Variants in AZGP1 observed in about 807,000 individuals in gnomAD.
AZGP1 encodes alpha-2-glycoprotein 1, zinc-binding.
In AZGP1, 28 loss-of-function variants were observed where a neutral mutation model predicts 31.5. The observed-to-expected ratio is 0.89, with a 90% CI of 0.66 to 1.22. AZGP1 has a LOEUF of 1.22. Ranked by LOEUF, AZGP1 falls within the 50% of genes most tolerant of loss-of-function variation. The pLI, the probability that AZGP1 is intolerant of heterozygous loss-of-function variation, is 0.00. For missense variants in AZGP1, 361 were observed against 371.8 expected, an observed-to-expected ratio of 0.97 and a Z score of 0.24; for synonymous variants, 135 against 145.4, an observed-to-expected ratio of 0.93 and a Z score of 0.51.
chr7:99,968,831 T>C, intron 2 of AZGP1: 1 of 206,166 alleles, frequency 4.9e-6, no homozygotes, highest in Non-Finnish European at 9.6e-6. Context: ...AGCATGGTGG[T>C]GCATGCCTGT....
At chr7:99,967,384 A>T (rs1238509395) in intron 3 of AZGP1, 98 bp from the exon 4 acceptor site, 3 of 1,371,010 alleles carry the variant, frequency 2.2e-6, no homozygotes, top group Non-Finnish European at 3.0e-6. Context: ...CGATCAGCAG[A>T]GCTCGAAGCT....
In AZGP1 at chr7:99,967,212, AGTC is replaced by A. The variant is rs771087962; in HGVS notation, c.685_687del (p.Asp229del). Reference sequence around the variant, plus strand: ...TGCACATCAATTTTCCCTGGGTAGAAGTCGTAGGCCAGGCACTTCAGTTTCTTC... The same window carrying A: ...TGCACATCAATTTTCCCTGGGTAGAAGTAGGCCAGGCACTTCAGTTTCTTC... On this transcript the variant is annotated inframe_deletion, in exon 4 of 4. Transcript: ENST00000292401. The A allele has an allele frequency of 6.2e-7, 1 of 1,613,814 alleles. No homozygotes were observed. Among genetic ancestry groups the A allele is most frequent in the Non-Finnish European group, 8.5e-7 (1 of 1,179,940 alleles).
At chr7:99,968,991 G>A (rs1315694082) in intron 2 of AZGP1, among the ~76,000 whole-genome samples, 453 of 13,054 alleles carry the variant, frequency 0.035, no homozygotes, top group Non-Finnish European at 0.043. Flanking sequence ...AAAAAAAAAA[G>A]CACCAGGCCC....
intron 2 of AZGP1, 171 bp downstream of exon 2, chr7:99,971,575 C>T: frequency 2.6e-6 from 2 of 772,686 alleles, no homozygotes; most frequent in Non-Finnish European, 4.1e-6. Flanking sequence ...AAGCGGGGAG[C>T]ACCTGTGCTG....
At chr7:99,967,856 C>G (rs1436941528) in intron 3 of AZGP1, 1 of 572,318 alleles carries the variant, frequency 1.7e-6, no homozygotes, top group East Asian at 2.9e-5. Context: ...CTCTTACAGA[C>G]AGTGTTACCC....
rs1789554480 is a variant in AZGP1, at chr7:99,970,089, T to C, written c.337+1657A>G. 3.3e-5 allele frequency among the ~76,000 whole-genome samples: 5 copies of C among 149,876 alleles called. No individual in the cohort carries two copies. In the Admixed American group the frequency reaches 3.3e-4, roughly 10 times the overall value. ...GGTGTGTTGCCTGAACTGGAGCCAC[T>C]CAACTCCCTGTGCCTCTATTTCCTC... On this transcript the variant is annotated intron_variant, in intron 2 of 3. Transcript: ENST00000292401.
chr7:99,967,491 G>A, intron 3 of AZGP1: 1 of 609,296 alleles, frequency 1.6e-6, no homozygotes. Flanking sequence ...CCCATGTATT[G>A]ACTCTGACGG....
At chr7:99,973,180 A>G (rs1562799020) in intron 1 of AZGP1, among the ~76,000 whole-genome samples, 1 of 152,182 alleles carries the variant, frequency 6.6e-6, no homozygotes, top group East Asian at 1.9e-4. Flanking sequence ...AAAGGGTAGA[A>G]AGGAGAATTT....
At chr7:99,975,802 G>A in intron 1 of AZGP1, 143 bp downstream of exon 1, 1 of 819,522 alleles carries the variant, frequency 1.2e-6, no homozygotes, top group Non-Finnish European at 2.1e-6. Flanking sequence ...TGTGTGAGCT[G>A]AGGGAGTTGA....
chr7:99,969,360 G>C (rs1789544316), intron 2 of AZGP1, among the ~76,000 whole-genome samples: 1 of 149,778 alleles, frequency 6.7e-6, no homozygotes, highest in African/African-American at 2.5e-5. Flanking sequence ...AGTGAGCCGA[G>C]ATGGAGCCAT....
chr7:99,972,819 A>T (rs192669086), intron 1 of AZGP1, among the ~76,000 whole-genome samples: 3 of 152,138 alleles, frequency 2.0e-5, no homozygotes, highest in African/African-American at 7.2e-5. Flanking sequence ...GTCTCAAAAA[A>T]AACAAATTAA....
chr7:99,967,057 G>T lies in AZGP1; in HGVS notation c.843C>A (p.His281Gln). 2 of 1,614,200 alleles carry T rather than the reference G, an allele frequency of 1.2e-6. No individual in the cohort carries two copies. The highest frequency in any genetic ancestry group is 2.2e-5 in the East Asian group (1 of 44,886). Residue 281 changes from histidine (H) to glutamine (Q), a missense_variant, in exon 4 of 4, where the codon CAC becomes CAA. Transcript: ENST00000292401. ...GCTGGGCCAGGCTGCTGTGCTGCAC[G>T]TGGCAGGAGTAGGGGGCTGTGTCCT... ...PPQDTAPYSC[H>Q]VQHSSLAQPL...
chr7:99,973,479 G>A (rs1789611418), intron 1 of AZGP1, among the ~76,000 whole-genome samples: 1 of 152,142 alleles, frequency 6.6e-6, no homozygotes, highest in Non-Finnish European at 1.5e-5. Context: ...TGAATTCATG[G>A]ACATAGAGAG....
intron 2 of AZGP1, among the ~76,000 whole-genome samples, chr7:99,969,136 C>G (rs1046195804): frequency 4.0e-5 from 6 of 151,758 alleles, no homozygotes; most frequent in Non-Finnish European, 8.8e-5. Context: ...AGGCTGGACG[C>G]AGTGGCTCAT....
intron 1 of AZGP1, among the ~76,000 whole-genome samples, chr7:99,975,161 T>C (rs1442721902): frequency 1.3e-5 from 2 of 152,224 alleles, no homozygotes; most frequent in Non-Finnish European, 2.9e-5. Flanking sequence ...CGTACATATA[T>C]ATGTATATGT....
chr7:99,967,657 A>C (rs1203580561), intron 3 of AZGP1: 1 of 409,736 alleles, frequency 2.4e-6, no homozygotes, highest in Non-Finnish European at 4.4e-6. Flanking sequence ...CCTGAGTCTC[A>C]CTACGTCTCC....
At chr7:99,971,236 T>A (rs1488573996) in intron 2 of AZGP1, among the ~76,000 whole-genome samples, 1 of 152,208 alleles carries the variant, frequency 6.6e-6, no homozygotes, top group Non-Finnish European at 1.5e-5. Context: ...AGAACAGACA[T>A]AGTTAAATAT....
At chr7:99,971,299 C>T (rs1379979114) in intron 2 of AZGP1, among the ~76,000 whole-genome samples, 2 of 152,158 alleles carry the variant, frequency 1.3e-5, no homozygotes, top group Non-Finnish European at 2.9e-5. Flanking sequence ...CAGATTTCAA[C>T]CAGATATTTT....
intron 1 of AZGP1, among the ~76,000 whole-genome samples, chr7:99,974,274 T>G (rs1225847935): frequency 6.6e-6 from 1 of 151,334 alleles, no homozygotes; most frequent in Non-Finnish European, 1.5e-5. Flanking sequence ...TAATCATAAT[T>G]TAATTGTACA....
Sources: allele counts gnomAD v4.1 joint callset (sites outside exome capture counted in the v4.1 genomes callset), GRCh38; gene constraint gnomAD v4.1.1; transcripts MANE v1.5; gene names NCBI Gene and HGNC (gene_info 2026-07-23, HGNC 2026-07-21).